The following IGF2BP3 variants were observed in gnomAD, a reference collection of about 807,000 sequenced individuals.
The protein encoded by IGF2BP3 is insulin-like growth factor 2 mRNA-binding protein 3.
IGF2BP3 carries 9 observed loss-of-function variants against 73.8 expected under a neutral mutation model. That is an observed-to-expected ratio of 0.12 (90% CI 0.07 to 0.21). The LOEUF (loss-of-function observed/expected upper bound fraction) is 0.21, where lower values mean the gene tolerates loss of function less well. IGF2BP3 is among the 10% of genes least tolerant of loss of function. IGF2BP3 has a pLI of 1.00. For missense variants in IGF2BP3, 542 were observed against 714.0 expected (o/e 0.76, Z 2.75); for synonymous variants, 258 against 256.7 (o/e 1.01, Z -0.05).
At chr7:23,460,969 A>T (rs537923105) in intron 2 of IGF2BP3, among the ~76,000 whole-genome samples, 53 of 152,250 alleles carry the variant, frequency 3.5e-4, no homozygotes, top group Admixed American at 3.9e-4. Context: ...AATAAATAAA[A>T]AACTAAGAAA....
chr7:23,401,825 C>A (rs1332868543), intron 3 of IGF2BP3, among the ~76,000 whole-genome samples: 1 of 151,936 alleles, frequency 6.6e-6, no homozygotes, highest in Non-Finnish European at 1.5e-5. Context: ...CTAGGCCGGG[C>A]ACGGTGGCTG....
chr7:23,403,400 T>C (rs1384956815), intron 3 of IGF2BP3, among the ~76,000 whole-genome samples: 1 of 152,184 alleles, frequency 6.6e-6, no homozygotes, highest in African/African-American at 2.4e-5. Context: ...TATGTCTCCT[T>C]TCTGGTATTA....
intron 11 of IGF2BP3, 82 bp from the exon 12 acceptor site, chr7:23,317,795 T>C: frequency 1.9e-6 from 2 of 1,071,404 alleles, no homozygotes; most frequent in Non-Finnish European, 2.9e-6. Flanking sequence ...AACATTTGCA[T>C]GTGACTGGCT....
rs553739675 is a variant in IGF2BP3 at position 23,321,266 on chromosome 7, C to T, written c.1204-2012G>A. ...GAGGCATTGCCTCACTCGGGAAGCG[C>T]AAGGGGTCAGGGAGTTCCCTTTCCT... On this transcript the variant is annotated intron_variant, in intron 10 of 14. Transcript: ENST00000258729. Among the ~76,000 whole-genome samples the T allele has an allele frequency of 3.0e-4, 45 of 152,296 alleles. No homozygotes were observed. The East Asian group carries it at 8.1e-3, about 28-fold the overall frequency.
chr7:23,383,987 T>A (rs766341493), intron 3 of IGF2BP3, among the ~76,000 whole-genome samples: 84 of 149,908 alleles, frequency 5.6e-4, no homozygotes, highest in Non-Finnish European at 8.3e-4. Context: ...TCCCAGCTAC[T>A]CGGGAGGCTG....
intron 2 of IGF2BP3, among the ~76,000 whole-genome samples, chr7:23,467,408 C>CA (rs1228631036): frequency 6.6e-6 from 1 of 152,192 alleles, no homozygotes; most frequent in Non-Finnish European, 1.5e-5. Flanking sequence ...AATTAACTTT[C>CA]AGCTTATTAT....
chr7:23,328,363 C>T (rs1202210887), intron 10 of IGF2BP3, among the ~76,000 whole-genome samples: 1 of 152,152 alleles, frequency 6.6e-6, no homozygotes, highest in African/African-American at 2.4e-5. Context: ...CGTGTGCCAC[C>T]ATGCCCAGCT....
intron 2 of IGF2BP3, among the ~76,000 whole-genome samples, chr7:23,457,343 T>A (rs1788345788): frequency 6.6e-6 from 1 of 151,670 alleles, no homozygotes; most frequent in Non-Finnish European, 1.5e-5. Context: ...CACACACCTG[T>A]AATCCCAGCT....
At chr7:23,466,925 A>C (rs538185389) in intron 2 of IGF2BP3, among the ~76,000 whole-genome samples, 1 of 152,392 alleles carries the variant, frequency 6.6e-6, no homozygotes, top group Non-Finnish European at 1.5e-5. Context: ...ACATTTTAAC[A>C]AAATTAAGAC....
At chr7:23,408,000 A>C (rs968688418) in intron 3 of IGF2BP3, among the ~76,000 whole-genome samples, 1 of 151,548 alleles carries the variant, frequency 6.6e-6, no homozygotes, top group Non-Finnish European at 1.5e-5. Context: ...TACAGCCTAA[A>C]AACTACATGA....
At chr7:23,425,325 C>G (rs1787477528) in intron 2 of IGF2BP3, among the ~76,000 whole-genome samples, 1 of 152,212 alleles carries the variant, frequency 6.6e-6, no homozygotes, top group African/African-American at 2.4e-5. Context: ...ATTTTACTCA[C>G]TGCAACCCCC....
At chr7:23,342,835 T>A (rs1784745160) in intron 9 of IGF2BP3, among the ~76,000 whole-genome samples, 1 of 152,164 alleles carries the variant, frequency 6.6e-6, no homozygotes, top group Non-Finnish European at 1.5e-5. Context: ...CTAAGGGGGT[T>A]AGATTTAATC....
intron 2 of IGF2BP3, among the ~76,000 whole-genome samples, chr7:23,448,805 T>G (rs1012948973): frequency 2.6e-5 from 4 of 152,256 alleles, no homozygotes; most frequent in Non-Finnish European, 5.9e-5. Flanking sequence ...AATTTTTTTG[T>G]ATTTTTAGTA....
At chr7:23,432,732 C>A (rs369528451) in intron 2 of IGF2BP3, among the ~76,000 whole-genome samples, 1 of 151,954 alleles carries the variant, frequency 6.6e-6, no homozygotes, top group African/African-American at 2.4e-5. Flanking sequence ...CCTCAACCTC[C>A]GAGGTTCATG....
intron 10 of IGF2BP3, among the ~76,000 whole-genome samples, chr7:23,325,164 T>G (rs1181919458): frequency 1.3e-5 from 2 of 152,170 alleles, no homozygotes; most frequent in African/African-American, 4.8e-5. Flanking sequence ...ATTGTATATC[T>G]AGAAAGCCCC....
intron 2 of IGF2BP3, among the ~76,000 whole-genome samples, chr7:23,466,148 A>C (rs1361979588): frequency 6.6e-6 from 1 of 151,828 alleles, no homozygotes; most frequent in Non-Finnish European, 1.5e-5. Flanking sequence ...CCTCCCGAGT[A>C]GCTGGGTGGG....
chr7:23,425,898 C>T (rs910855232), intron 2 of IGF2BP3, among the ~76,000 whole-genome samples: 3 of 150,834 alleles, frequency 2.0e-5, no homozygotes, highest in Admixed American at 6.6e-5. Flanking sequence ...CTAGGGAGGT[C>T]GAGGCTGCAG....
chr7:23,342,239 A>C, intron 9 of IGF2BP3, 50 bp from the exon 10 acceptor site: 1 of 1,601,358 alleles, frequency 6.2e-7, no homozygotes, highest in Non-Finnish European at 8.5e-7. Context: ...GAATCAAGGG[A>C]AAGTGAGCAT....
intron 2 of IGF2BP3, among the ~76,000 whole-genome samples, chr7:23,465,757 G>A (rs1788552739): frequency 6.6e-6 from 1 of 152,212 alleles, no homozygotes; most frequent in Admixed American, 6.5e-5. Context: ...TGAAATGACT[G>A]CTAAGCAGAA....
Sources: allele counts gnomAD v4.1 joint callset (sites outside exome capture counted in the v4.1 genomes callset), GRCh38; gene constraint gnomAD v4.1.1; transcripts MANE v1.5; gene names NCBI Gene and HGNC (gene_info 2026-07-23, HGNC 2026-07-21).